SLC30A8: variants seen among roughly 807,000 people sequenced by gnomAD.
The protein encoded by SLC30A8 is proton-coupled zinc antiporter SLC30A8.
In SLC30A8, 27 loss-of-function variants were observed where a neutral mutation model predicts 36.9. The ratio of observed to expected loss-of-function variants is 0.73; its 90% CI spans 0.54 to 1.01. The LOEUF (loss-of-function observed/expected upper bound fraction) is 1.01, where lower values mean the gene tolerates loss of function less well. Among genes scored for constraint, SLC30A8 ranks in the 50% least tolerant of loss-of-function variants. SLC30A8 has a pLI of 0.00. For missense variants in SLC30A8, 439 were observed against 452.0 expected (o/e 0.97, Z 0.26); for synonymous variants, 164 against 172.4 (o/e 0.95, Z 0.38).
At chr8:117,037,797 A>G (rs1317165306) in intron 1 of SLC30A8, among the ~76,000 whole-genome samples, 1 of 152,214 alleles carries the variant, frequency 6.6e-6, no homozygotes, top group Admixed American at 6.5e-5. Flanking sequence ...CAAGCTAGTA[A>G]TTGGAAAACT....
intron 4 of SLC30A8, among the ~76,000 whole-genome samples, chr8:117,158,847 A>C (rs1822635919): frequency 6.6e-6 from 1 of 152,208 alleles, no homozygotes; most frequent in South Asian, 2.1e-4. Flanking sequence ...CATTCTCCTA[A>C]AAAGCTTTAA....
At chr8:117,127,197 T>C (rs1340390878) in intron 2 of SLC30A8, among the ~76,000 whole-genome samples, 1 of 150,800 alleles carries the variant, frequency 6.6e-6, no homozygotes, top group East Asian at 1.9e-4. Flanking sequence ...CCAAATTATT[T>C]TTGAAACCTA....
upstream of SLC30A8, among the ~76,000 whole-genome samples, chr8:117,132,582 G>A (rs779778533): frequency 6.6e-6 from 1 of 152,014 alleles, no homozygotes; most frequent in Non-Finnish European, 1.5e-5. Context: ...GTCTACAGGG[G>A]ATGGGATTTT....
chr8:117,073,128 A>G (rs1393903954), intron 2 of SLC30A8, among the ~76,000 whole-genome samples: 1 of 152,136 alleles, frequency 6.6e-6, no homozygotes, highest in Non-Finnish European at 1.5e-5. Flanking sequence ...TAGTTGAAAA[A>G]TGTTCATTTT....
intron 1 of SLC30A8, among the ~76,000 whole-genome samples, chr8:117,021,864 G>A (rs1816705093): frequency 6.6e-6 from 1 of 152,126 alleles, no homozygotes; most frequent in Non-Finnish European, 1.5e-5. Context: ...CACAGATGTA[G>A]ACACTCAATT....
chr8:117,083,639 T>C (rs1818749195), intron 2 of SLC30A8, among the ~76,000 whole-genome samples: 1 of 152,126 alleles, frequency 6.6e-6, no homozygotes, highest in African/African-American at 2.4e-5. Context: ...TCTTGATCTG[T>C]TTTCCAGGTA....
At chr8:117,080,460 G>C (rs1818637921) in intron 2 of SLC30A8, among the ~76,000 whole-genome samples, 1 of 152,132 alleles carries the variant, frequency 6.6e-6, no homozygotes, top group Admixed American at 6.5e-5. Context: ...CACGTAGTGA[G>C]CATAGTGAGA....
At chr8:116,961,120 G>A (rs10106720) in intron 1 of SLC30A8, among the ~76,000 whole-genome samples, 9,726 of 152,154 alleles carry the variant, frequency 0.064, 1,063 homozygotes, top group African/African-American at 0.22. Flanking sequence ...CTATATTAAT[G>A]GAGTGCCTTG....
At chr8:117,108,140 A>C (rs1820074539) in intron 2 of SLC30A8, among the ~76,000 whole-genome samples, 1 of 152,160 alleles carries the variant, frequency 6.6e-6, no homozygotes, top group South Asian at 2.1e-4. Flanking sequence ...AGTAATTAAA[A>C]CATGTAAGAT....
chr8:117,042,298 C>T (rs888655664), intron 2 of SLC30A8, among the ~76,000 whole-genome samples: 1 of 152,190 alleles, frequency 6.6e-6, no homozygotes, highest in Non-Finnish European at 1.5e-5. Context: ...GGCTTTGCTT[C>T]GGAAACTGCA....
intron 1 of SLC30A8, among the ~76,000 whole-genome samples, chr8:116,958,841 ATTTTTT>A (rs758505118): frequency 1.0e-4 from 6 of 60,030 alleles, no homozygotes; most frequent in African/African-American, 3.5e-4. Context: ...TGCTCTTTTC[ATTTTTT>A]TTTTTTTTTT....
At chr8:116,962,649 C>T (rs1814461612) in intron 1 of SLC30A8, among the ~76,000 whole-genome samples, 1 of 151,814 alleles carries the variant, frequency 6.6e-6, no homozygotes, top group African/African-American at 2.4e-5. Context: ...AGTAAAAGTC[C>T]CAAAAATTGC....
intron 2 of SLC30A8, among the ~76,000 whole-genome samples, chr8:117,083,775 A>G (rs1818757645): frequency 6.6e-6 from 1 of 152,182 alleles, no homozygotes; most frequent in Non-Finnish European, 1.5e-5. Context: ...GACATGCTGC[A>G]TGAATAAGCA....
chr8:117,097,754 T>C (rs867864193), intron 2 of SLC30A8, among the ~76,000 whole-genome samples: 1 of 10,348 alleles, frequency 9.7e-5, no homozygotes, highest in African/African-American at 2.2e-4. Context: ...TAATATATAT[T>C]ATATATAATA....
rs71305462 is a variant in SLC30A8, at chr8:117,166,766, A to ATTTTTTTTTTTTT, written c.829+3244_829+3256dup. Among the ~76,000 whole-genome samples, 258 of 128,614 alleles carry ATTTTTTTTTTTTT rather than the reference A, an allele frequency of 2.0e-3. 3 individuals carry two copies. Among genetic ancestry groups the ATTTTTTTTTTTTT allele is most frequent in the South Asian group, 6.1e-3 (22 of 3,580 alleles). The allele number at this position is 128,614 out of a possible 152,430, so 84.4% of individuals were successfully genotyped here. A position where few individuals can be genotyped will look rare whatever the true frequency, so the allele number is the denominator to read the frequency against. On this transcript the variant is annotated intron_variant, in intron 6 of 7. Transcript: ENST00000456015. ...GATTGAAATATCCAGACATTAGCTG[A>ATTTTTTTTTTTTT]TTTTTTTTTTTTTTTTTTTTGTCCA...
intron 1 of SLC30A8, among the ~76,000 whole-genome samples, chr8:116,977,141 C>CTTTTTTTTTTTTTTTTTTTTT (rs71305451): frequency 5.6e-4 from 33 of 59,102 alleles, no homozygotes; most frequent in African/African-American, 6.6e-4. Context: ...CTTTTTCTTG[C>CTTTTTTTTTTTTTTTTTTTTT]TTTTTTTTTT....
At chr8:117,023,029 A>G (rs1160604159) in intron 1 of SLC30A8, among the ~76,000 whole-genome samples, 1 of 152,238 alleles carries the variant, frequency 6.6e-6, no homozygotes, top group African/African-American at 2.4e-5. Context: ...CAAATTTACA[A>G]GAAAAAAAAC....
chr8:116,950,665 A>C (rs1445619754), upstream of SLC30A8: 1 of 152,198 alleles, frequency 6.6e-6, no homozygotes, highest in African/African-American at 2.4e-5. Flanking sequence ...ACTGCTTCCA[A>C]ATTGGTACTG....
chr8:117,114,896 CCT>C (rs141497160), intron 2 of SLC30A8, among the ~76,000 whole-genome samples: 17 of 149,554 alleles, frequency 1.1e-4, no homozygotes, highest in Non-Finnish European at 1.8e-4. Context: ...TCTCTTCTGT[CCT>C]CTCTCTCTCT....
Sources: allele counts gnomAD v4.1 joint callset (sites outside exome capture counted in the v4.1 genomes callset), GRCh38; gene constraint gnomAD v4.1.1; transcripts MANE v1.5; gene names NCBI Gene and HGNC (gene_info 2026-07-23, HGNC 2026-07-21).